TNIK: variants seen among roughly 807,000 people sequenced by gnomAD.
TNIK encodes the protein TRAF2 and NCK-interacting protein kinase.
TNIK carries 49 observed loss-of-function variants against 191.3 expected under a neutral mutation model. The ratio of observed to expected loss-of-function variants is 0.26; its 90% CI spans 0.20 to 0.32. The LOEUF (loss-of-function observed/expected upper bound fraction) is 0.32. Ranked by LOEUF, TNIK falls within the 10% of genes least tolerant of loss-of-function variation. The pLI is 1.00. For synonymous variants in TNIK, 594 were observed against 600.9 expected, an observed-to-expected ratio of 0.99 and a Z score of 0.17; for missense variants, 1,155 against 1,702.3, an observed-to-expected ratio of 0.68 and a Z score of 5.66.
chr3:171,453,476 C>G (rs765749987), intron 1 of TNIK, among the ~76,000 whole-genome samples: 2 of 151,942 alleles, frequency 1.3e-5, no homozygotes, highest in Non-Finnish European at 2.9e-5. Flanking sequence ...GGGGAGTGGT[C>G]GTCAAAACTG....
chr3:171,328,411 G>C (rs1463931888), intron 2 of TNIK, among the ~76,000 whole-genome samples: 1 of 152,142 alleles, frequency 6.6e-6, no homozygotes, highest in Non-Finnish European at 1.5e-5. Context: ...GCCTGCGTGG[G>C]GCTACCATGA....
In TNIK at chr3:171,139,515, T is replaced by C; in HGVS notation, c.1374A>G (p.Leu458=). The C allele has an allele frequency of 6.2e-7, 1 of 1,613,784 alleles. No homozygotes were observed. Residue 458 remains leucine (L), a synonymous_variant, in exon 14 of 33, where the codon TTA becomes TTG. Coordinates refer to ENST00000436636, the MANE Select transcript of TNIK (RefSeq NM_015028.4). ...RRQLEEEQRQ[L]EILQQQLLHE... The stretch of plus-strand genomic sequence containing the variant: ...GCAGTAGCTGCTGCTGCAAGATCTC[T>C]AACTGTCTCTGCTCCTCCTCTAACT...
chr3:171,308,194 C>T (rs1424084328), intron 2 of TNIK, among the ~76,000 whole-genome samples: 1 of 152,024 alleles, frequency 6.6e-6, no homozygotes, highest in African/African-American at 2.4e-5. Context: ...GCTATAGTAA[C>T]CAAAACAGCA....
intron 1 of TNIK, among the ~76,000 whole-genome samples, chr3:171,374,801 G>T (rs1716994848): frequency 6.6e-6 from 1 of 152,156 alleles, no homozygotes; most frequent in African/African-American, 2.4e-5. Flanking sequence ...CATTTCATGA[G>T]GACTTATGTG....
chr3:171,202,185 G>T (rs756579173), intron 4 of TNIK, among the ~76,000 whole-genome samples: 2 of 151,794 alleles, frequency 1.3e-5, no homozygotes, highest in Non-Finnish European at 2.9e-5. Context: ...TCCACAGTAT[G>T]AATGCAAAAT....
intron 22 of TNIK, among the ~76,000 whole-genome samples, chr3:171,097,399 A>C (rs1046283200): frequency 1.3e-5 from 2 of 152,218 alleles, no homozygotes; most frequent in Non-Finnish European, 2.9e-5. Flanking sequence ...AAAATACTGG[A>C]TGTGCACAAT....
At chr3:171,398,813 C>T (rs879870940) in intron 1 of TNIK, among the ~76,000 whole-genome samples, 6 of 152,194 alleles carry the variant, frequency 3.9e-5, no homozygotes, top group African/African-American at 1.2e-4. Flanking sequence ...GTTTTGCACA[C>T]ACTATTCCCT....
Position 171,366,908 on chromosome 3 carries a change from T to C in TNIK, c.123+2712A>G, listed in dbSNP as rs1300840526. On this transcript the variant is annotated intron_variant, in intron 2 of 32. Coordinates refer to ENST00000436636, the MANE Select transcript of TNIK (RefSeq NM_015028.4). This position sits in a 1 kb window ranked among gnomAD's most constrained non-coding sequence, Gnocchi z 4.1. ...GATGGTTTTATAAGAGGCTTCCCCCTTTACTGGGCACTGATTCTCTCTCCT... is the reference window on the plus strand; with the variant it reads ...GATGGTTTTATAAGAGGCTTCCCCCCTTACTGGGCACTGATTCTCTCTCCT... 1.3e-5 allele frequency among the ~76,000 whole-genome samples: 2 copies of C among 152,172 alleles called. No homozygotes were observed. Among genetic ancestry groups the C allele is most frequent in the African/African-American group, 2.4e-5 (1 of 41,432 alleles).
chr3:171,174,803 C>T (rs989152842), intron 9 of TNIK, among the ~76,000 whole-genome samples: 14 of 152,146 alleles, frequency 9.2e-5, no homozygotes, highest in Non-Finnish European at 1.5e-5. Flanking sequence ...AATGCTCATA[C>T]ACGAGCCAGA....
chr3:171,426,882 G>A (rs1724706527), intron 1 of TNIK, among the ~76,000 whole-genome samples: 1 of 152,150 alleles, frequency 6.6e-6, no homozygotes, highest in African/African-American at 2.4e-5. Flanking sequence ...GTGTTGAATG[G>A]CTGCCTACCT....
intron 1 of TNIK, among the ~76,000 whole-genome samples, chr3:171,422,902 C>G (rs922275344): frequency 3.9e-5 from 6 of 152,202 alleles, no homozygotes; most frequent in African/African-American, 7.2e-5. Context: ...AACTATGCAG[C>G]CTGTTGCATC....
intron 2 of TNIK, among the ~76,000 whole-genome samples, chr3:171,352,778 A>G (rs1229841516): frequency 6.6e-6 from 1 of 152,174 alleles, no homozygotes; most frequent in Non-Finnish European, 1.5e-5. Flanking sequence ...TCCTGTTTAT[A>G]CTCTTAAATT....
intron 3 of TNIK, among the ~76,000 whole-genome samples, chr3:171,218,172 T>C (rs1741689612): frequency 6.6e-6 from 1 of 152,112 alleles, no homozygotes; most frequent in Non-Finnish European, 1.5e-5. Context: ...ATGTCCAGGG[T>C]CAGAGAGCCA....
At chr3:171,156,992 C>A (rs142040011) in intron 12 of TNIK, among the ~76,000 whole-genome samples, 7 of 152,306 alleles carry the variant, frequency 4.6e-5, no homozygotes, top group Admixed American at 3.9e-4. Context: ...GAGGCACCTA[C>A]GACATGCTAG....
At chr3:171,399,186 A>G (rs951649886) in intron 1 of TNIK, among the ~76,000 whole-genome samples, 1 of 152,244 alleles carries the variant, frequency 6.6e-6, no homozygotes, top group Non-Finnish European at 1.5e-5. Flanking sequence ...ATAGGGAATT[A>G]TTCTGAAGCA....
At chr3:171,155,959 C>T (rs1733115936) in intron 12 of TNIK, among the ~76,000 whole-genome samples, 1 of 152,184 alleles carries the variant, frequency 6.6e-6, no homozygotes, top group Non-Finnish European at 1.5e-5. Flanking sequence ...GACTCAGCTG[C>T]ATTATCTTTA....
At chr3:171,307,840 T>A (rs954158145) in intron 2 of TNIK, among the ~76,000 whole-genome samples, 2 of 152,150 alleles carry the variant, frequency 1.3e-5, no homozygotes, top group African/African-American at 4.8e-5. Flanking sequence ...GTTATAAGAC[T>A]TTTTCATTCT....
chr3:171,120,244 A>G (rs1727459379), intron 18 of TNIK, among the ~76,000 whole-genome samples: 1 of 152,050 alleles, frequency 6.6e-6, no homozygotes, highest in Admixed American at 6.5e-5. Context: ...ACTGGAGTTC[A>G]TTACTACTAA....
chr3:171,448,408 T>C (rs1331157735), intron 1 of TNIK, among the ~76,000 whole-genome samples: 1 of 152,186 alleles, frequency 6.6e-6, no homozygotes, highest in Admixed American at 6.5e-5. Flanking sequence ...TCACATAGCA[T>C]AATGTTCATC....
Sources: allele counts gnomAD v4.1 joint callset (sites outside exome capture counted in the v4.1 genomes callset), GRCh38; gene constraint gnomAD v4.1.1; non-coding constraint Gnocchi (gnomAD v3.1); transcripts MANE v1.5; gene names NCBI Gene and HGNC (gene_info 2026-07-23, HGNC 2026-07-21).